Variants in MICU1 observed in about 807,000 individuals in gnomAD.
MICU1 encodes the protein calcium uptake protein 1, mitochondrial.
Under a neutral mutation model 56.8 loss-of-function variants are expected in MICU1, and 45 were observed. The observed-to-expected ratio is 0.79, with a 90% CI of 0.62 to 1.02. The LOEUF (loss-of-function observed/expected upper bound fraction) is 1.02. Ranked by LOEUF, MICU1 falls within the 50% of genes least tolerant of loss-of-function variation. The pLI, the probability that MICU1 is intolerant of heterozygous loss-of-function variation, is 0.00. For missense variants in MICU1, 504 were observed against 587.1 expected (o/e 0.86, Z 1.46); for synonymous variants, 186 against 195.1 (o/e 0.95, Z 0.39).
chr10:72,528,250 C>T (rs1868021217), intron 5 of MICU1, among the ~76,000 whole-genome samples: 3 of 152,190 alleles, frequency 2.0e-5, no homozygotes, highest in South Asian at 4.1e-4. Flanking sequence ...CTGTGAGGAA[C>T]TTCTGGCTTC....
At chr10:72,479,215 T>G (rs754912395) in intron 6 of MICU1, among the ~76,000 whole-genome samples, 2 of 152,210 alleles carry the variant, frequency 1.3e-5, no homozygotes, top group African/African-American at 4.8e-5. Flanking sequence ...GAAGTGGGAA[T>G]TGAACTTAAG....
intron 5 of MICU1, among the ~76,000 whole-genome samples, chr10:72,525,287 T>C (rs1411604521): frequency 6.6e-6 from 1 of 152,092 alleles, no homozygotes; most frequent in East Asian, 1.9e-4. Context: ...ATAAATAAAC[T>C]TCACTGACCA....
intron 8 of MICU1, among the ~76,000 whole-genome samples, chr10:72,447,449 T>C (rs948380603): frequency 1.3e-5 from 2 of 152,198 alleles, no homozygotes; most frequent in African/African-American, 4.8e-5. Context: ...TTACTGTTTC[T>C]ATGAATGACT....
intron 1 of MICU1, among the ~76,000 whole-genome samples, chr10:72,601,604 G>C (rs940455418): frequency 2.0e-5 from 3 of 151,804 alleles, no homozygotes; most frequent in Non-Finnish European, 2.9e-5. Context: ...ACAAAAGACA[G>C]ATTAACAACA....
Position 72,536,415 on chromosome 10 carries a change from C to T in MICU1, c.494-2626G>A, listed in dbSNP as rs568682093. 1.7e-4 allele frequency among the ~76,000 whole-genome samples: 26 copies of T among 152,106 alleles called. No individual in the cohort carries two copies. In the East Asian group the frequency reaches 2.5e-3, roughly 15 times the overall value. On this transcript the variant is annotated intron_variant, in intron 4 of 11. Coordinates refer to ENST00000361114, the MANE Select transcript of MICU1 (RefSeq NM_001195518.2). Reference sequence around the variant, plus strand: ...AGGCTGGAGTGCAGTGGCATGATCTCGGCTCACTGCAACCTCCACCTCCTG... The same window carrying T: ...AGGCTGGAGTGCAGTGGCATGATCTTGGCTCACTGCAACCTCCACCTCCTG...
At chr10:72,577,308 G>C (rs947842883) in intron 1 of MICU1, among the ~76,000 whole-genome samples, 1 of 151,922 alleles carries the variant, frequency 6.6e-6, no homozygotes, top group African/African-American at 2.4e-5. Context: ...TCAGAAGTTC[G>C]AGACCAGCCT....
intron 1 of MICU1, among the ~76,000 whole-genome samples, chr10:72,624,262 A>G (rs938388496): frequency 4.6e-5 from 7 of 152,188 alleles, no homozygotes; most frequent in African/African-American, 1.4e-4. Flanking sequence ...TGGTACGATC[A>G]CAGCTCACTG....
chr10:72,442,929 G>A (rs1564871739), intron 8 of MICU1, among the ~76,000 whole-genome samples: 1 of 152,034 alleles, frequency 6.6e-6, no homozygotes, highest in Admixed American at 6.6e-5. Context: ...TTTAATTTTT[G>A]TATTTTTGGT....
chr10:72,424,340 T>C (rs1202798129), intron 8 of MICU1, among the ~76,000 whole-genome samples: 3 of 152,184 alleles, frequency 2.0e-5, no homozygotes. Context: ...CTTGAACTCC[T>C]GACCTCAGGT....
intron 8 of MICU1, among the ~76,000 whole-genome samples, chr10:72,449,461 C>G (rs1179170935): frequency 1.3e-5 from 2 of 152,082 alleles, no homozygotes; most frequent in Non-Finnish European, 2.9e-5. Flanking sequence ...TGGTCTTGAC[C>G]TCCTAGGCTG....
intron 6 of MICU1, among the ~76,000 whole-genome samples, chr10:72,487,515 T>C (rs1302419759): frequency 6.6e-6 from 1 of 152,026 alleles, no homozygotes; most frequent in Non-Finnish European, 1.5e-5. Flanking sequence ...GAGGTGGAAG[T>C]GGTCAAGCCG....
Position 72,547,533 on chromosome 10 carries a change from GTA to G in MICU1, c.493+3644_493+3645del, listed in dbSNP as rs5786084. Among the ~76,000 whole-genome samples the G allele has an allele frequency of 3.0e-3, 441 of 146,178 alleles. 3 individuals carry two copies. The highest frequency in any genetic ancestry group is 0.022 in the Middle Eastern group (6 of 270). ...ATGTTGAATGAATATATACACATAT[GTA>G]TATATATATATATATAAAGTCTATT... On this transcript the variant is annotated intron_variant, in intron 4 of 11. Coordinates refer to ENST00000361114, the MANE Select transcript of MICU1 (RefSeq NM_001195518.2).
chr10:72,476,226 C>CAAAA (rs71018297), intron 7 of MICU1, among the ~76,000 whole-genome samples: 28 of 73,702 alleles, frequency 3.8e-4, no homozygotes, highest in African/African-American at 4.6e-4. Context: ...GACTCCATCT[C>CAAAA]AAAAAAAAAA....
chr10:72,444,199 A>G (rs539556233), intron 8 of MICU1, among the ~76,000 whole-genome samples: 3 of 150,856 alleles, frequency 2.0e-5, no homozygotes, highest in Admixed American at 6.6e-5. Context: ...AGGAGGGGGA[A>G]CATCACACTC....
chr10:72,558,076 T>TA (rs1343238381), intron 3 of MICU1, among the ~76,000 whole-genome samples: 1 of 152,128 alleles, frequency 6.6e-6, no homozygotes, highest in Non-Finnish European at 1.5e-5. Context: ...CTATCAGAAA[T>TA]ATAAAAATAA....
At chr10:72,521,103 A>C (rs1867806426) in intron 5 of MICU1, among the ~76,000 whole-genome samples, 1 of 152,144 alleles carries the variant, frequency 6.6e-6, no homozygotes, top group Non-Finnish European at 1.5e-5. Context: ...CTATCACTTA[A>C]TGTAAAAACA....
chr10:72,566,618 T>C lies in MICU1; in HGVS notation c.161+15A>G, dbSNP rs369648087. On this transcript the variant is annotated intron_variant, in intron 2 of 11. Transcript: ENST00000361114. ...AAAAGTATACGCAAGAACAAGATGG[T>C]TGGATAACACTCACCTCTTCCACAA... 6.2e-5 allele frequency: 99 copies of C among 1,606,338 alleles called. No individual in the cohort carries two copies. The highest frequency in any genetic ancestry group is 5.2e-4 in the African/African-American group (39 of 74,752).
At chr10:72,404,092 C>A (rs1275235500) in intron 10 of MICU1, among the ~76,000 whole-genome samples, 1 of 151,952 alleles carries the variant, frequency 6.6e-6, no homozygotes, top group Non-Finnish European at 1.5e-5. Flanking sequence ...TGGGTTCTAG[C>A]AATTCTCCTG....
At chr10:72,570,351 T>C (rs1044755132) in intron 1 of MICU1, among the ~76,000 whole-genome samples, 2 of 152,158 alleles carry the variant, frequency 1.3e-5, no homozygotes, top group Non-Finnish European at 2.9e-5. Context: ...TTTTTTCAAG[T>C]TGTAAACACA....
Sources: gnomAD v4.1 joint callset for allele counts (sites outside exome capture counted in the v4.1 genomes callset) on GRCh38, gnomAD v4.1.1 for gene constraint, MANE v1.5 for transcripts, NCBI Gene and HGNC (gene_info 2026-07-23, HGNC 2026-07-21) for gene names.